Variants in XKR9 observed in about 807,000 individuals in gnomAD.
The protein encoded by XKR9 is XK related 9.
XKR9 carries 32 observed loss-of-function variants against 32.0 expected under a neutral mutation model. The ratio of observed to expected loss-of-function variants is 1.00; its 90% CI spans 0.76 to 1.34. The LOEUF (loss-of-function observed/expected upper bound fraction) is 1.34. XKR9 is among the 40% of genes most tolerant of loss of function. XKR9 has a pLI of 0.00. For missense variants in XKR9, 546 were observed against 429.7 expected, an observed-to-expected ratio of 1.27 and a Z score of -2.39; for synonymous variants, 168 against 143.4, an observed-to-expected ratio of 1.17 and a Z score of -1.22.
chr8:70,897,847 T>C, the XKR9 span, among the ~76,000 whole-genome samples: 2 of 152,218 alleles, frequency 1.3e-5, no homozygotes, highest in African/African-American at 2.4e-5. Context: ...GATTGTTTCC[T>C]TTGCTGTGCA....
chr8:70,688,715 C>CT (rs11450447), intron 3 of XKR9, among the ~76,000 whole-genome samples: 62,212 of 144,660 alleles, frequency 0.43, 14,375 homozygotes, highest in Non-Finnish European at 0.54. Flanking sequence ...TGTGCCTGTC[C>CT]TTTTTTTTTT....
the XKR9 span, among the ~76,000 whole-genome samples, chr8:70,991,900 G>T: frequency 7.5e-6 from 1 of 132,958 alleles, no homozygotes; most frequent in Admixed American, 8.1e-5. Flanking sequence ...TTTAGATTTG[G>T]TTGTCTTTGT....
chr8:71,057,022 C>T, the XKR9 span, among the ~76,000 whole-genome samples: 1 of 152,134 alleles, frequency 6.6e-6, no homozygotes, highest in Non-Finnish European at 1.5e-5. Flanking sequence ...CCTCTTCCAC[C>T]TTGCTGGCCA....
At chr8:71,047,717 T>G in the XKR9 span, among the ~76,000 whole-genome samples, 1 of 152,204 alleles carries the variant, frequency 6.6e-6, no homozygotes, top group Non-Finnish European at 1.5e-5. Flanking sequence ...GGGATCACAT[T>G]TTTCTCTGTA....
the XKR9 span, among the ~76,000 whole-genome samples, chr8:70,906,826 T>A: frequency 4.6e-5 from 7 of 152,112 alleles, no homozygotes; most frequent in African/African-American, 1.7e-4. Context: ...ATGTAAAAAA[T>A]TTTCCAAGAT....
At chr8:70,894,724 C>G in the XKR9 span, among the ~76,000 whole-genome samples, 1 of 152,120 alleles carries the variant, frequency 6.6e-6, no homozygotes. Context: ...GGAAAGGCTG[C>G]TCTGTGTGGC....
At chr8:70,730,173 ATT>A (rs1395415860) in intron 4 of XKR9, among the ~76,000 whole-genome samples, 1 of 152,106 alleles carries the variant, frequency 6.6e-6, no homozygotes, top group Admixed American at 6.5e-5. Flanking sequence ...TTTCCCTGCC[ATT>A]TACCCAAAGG....
the XKR9 span, among the ~76,000 whole-genome samples, chr8:70,852,058 A>G: frequency 6.6e-6 from 1 of 152,264 alleles, no homozygotes; most frequent in Non-Finnish European, 1.5e-5. Flanking sequence ...AATATCCAGA[A>G]TCTACAAGGA....
At chr8:70,978,930 G>A in the XKR9 span, among the ~76,000 whole-genome samples, 19 of 151,926 alleles carry the variant, frequency 1.3e-4, no homozygotes, top group South Asian at 1.0e-3. Context: ...GGCTTTCTTC[G>A]TTTCTTTTTA....
the XKR9 span, among the ~76,000 whole-genome samples, chr8:70,810,094 G>A: frequency 7.2e-5 from 11 of 152,130 alleles, no homozygotes; most frequent in South Asian, 2.1e-4. Context: ...CTGATCTCTC[G>A]GCAGAAACTC....
At chr8:70,704,391 G>T (rs1163286348) in intron 3 of XKR9, among the ~76,000 whole-genome samples, 1 of 152,100 alleles carries the variant, frequency 6.6e-6, no homozygotes, top group Non-Finnish European at 1.5e-5. Context: ...GTGTACATTT[G>T]TAGACAGCAC....
At chr8:70,938,609 T>C in the XKR9 span, among the ~76,000 whole-genome samples, 1 of 152,030 alleles carries the variant, frequency 6.6e-6, no homozygotes, top group Non-Finnish European at 1.5e-5. Flanking sequence ...GAGATACACA[T>C]GGGATTTAGG....
At chr8:71,019,645 A>G in the XKR9 span, among the ~76,000 whole-genome samples, 1 of 152,202 alleles carries the variant, frequency 6.6e-6, no homozygotes, top group Non-Finnish European at 1.5e-5. Flanking sequence ...ATTAACTTTT[A>G]GATTAAGCCA....
the XKR9 span, among the ~76,000 whole-genome samples, chr8:70,891,391 T>C: frequency 1.3e-5 from 2 of 152,058 alleles, no homozygotes; most frequent in African/African-American, 2.4e-5. Context: ...AGGTTGCTTA[T>C]TTAAAATATT....
At chr8:70,873,446 G>A in the XKR9 span, among the ~76,000 whole-genome samples, 5 of 152,204 alleles carry the variant, frequency 3.3e-5, no homozygotes, top group Non-Finnish European at 7.3e-5. Flanking sequence ...TGTGATACAT[G>A]AGAGAAAGTC....
downstream of XKR9, among the ~76,000 whole-genome samples, chr8:70,793,104 T>A (rs555047146): frequency 1.3e-5 from 2 of 152,238 alleles, no homozygotes; most frequent in East Asian, 3.9e-4. Flanking sequence ...TTCAGTGTTG[T>A]ATATGGTGTG....
chr8:70,761,757 G>A (rs761652856), intron 2 of XKR9, among the ~76,000 whole-genome samples: 2 of 151,938 alleles, frequency 1.3e-5, no homozygotes, highest in African/African-American at 4.8e-5. Context: ...TCTTTGTCAT[G>A]AAATCTTTGC....
At chr8:70,675,876 C>G (rs556111046) in intron 2 of XKR9, among the ~76,000 whole-genome samples, 1 of 152,196 alleles carries the variant, frequency 6.6e-6, no homozygotes, top group Non-Finnish European at 1.5e-5. Flanking sequence ...CTGAGTCTTA[C>G]AAACTCTTCT....
intron 4 of XKR9, among the ~76,000 whole-genome samples, chr8:70,720,511 G>T (rs899173480): frequency 1.3e-5 from 2 of 152,050 alleles, no homozygotes; most frequent in African/African-American, 4.8e-5. Context: ...AGCATGAAGG[G>T]GTGTTGAATT....
Sources: allele counts gnomAD v4.1 joint callset (sites outside exome capture counted in the v4.1 genomes callset), GRCh38; gene constraint gnomAD v4.1.1; transcripts MANE v1.5; gene names NCBI Gene and HGNC (gene_info 2026-07-23, HGNC 2026-07-21).